TRAPPC3L: variants seen among roughly 807,000 people sequenced by gnomAD.
TRAPPC3L encodes trafficking protein particle complex subunit 3-like protein.
Under a neutral mutation model 23.7 loss-of-function variants are expected in TRAPPC3L, and 23 were observed. The observed-to-expected ratio is 0.97, with a 90% CI of 0.70 to 1.37. TRAPPC3L has a LOEUF of 1.37. TRAPPC3L is among the 40% of genes most tolerant of loss of function. TRAPPC3L has a pLI of 0.00. For synonymous variants in TRAPPC3L, 81 were observed against 77.9 expected (o/e 1.04, Z -0.21); for missense variants, 212 against 216.8 (o/e 0.98, Z 0.14).
At chr6:116,513,711 A>G (rs1772169512) in intron 3 of TRAPPC3L, among the ~76,000 whole-genome samples, 1 of 152,222 alleles carries the variant, frequency 6.6e-6, no homozygotes, top group Non-Finnish European at 1.5e-5. Flanking sequence ...GGCAGCATAT[A>G]GTCCAGACCA....
intron 3 of TRAPPC3L, chr6:116,511,802 G>A (rs1182515322): frequency 1.2e-6 from 2 of 1,614,072 alleles, no homozygotes; most frequent in Non-Finnish European, 1.7e-6. Context: ...TCTCTTTTCT[G>A]TTGTGGCTTT....
chr6:116,537,342 G>C (rs1420565567), intron 3 of TRAPPC3L, among the ~76,000 whole-genome samples: 1 of 152,142 alleles, frequency 6.6e-6, no homozygotes, highest in Non-Finnish European at 1.5e-5. Context: ...TAATAGGGGA[G>C]AATCAAGCAG....
chr6:116,501,689 A>G (rs1023324529), intron 3 of TRAPPC3L, among the ~76,000 whole-genome samples: 1 of 152,104 alleles, frequency 6.6e-6, no homozygotes, highest in African/African-American at 2.4e-5. Context: ...GGCAGCAATT[A>G]TCTGCTGTTC....
chr6:116,544,997 A>C (rs1291066116), intron 1 of TRAPPC3L, among the ~76,000 whole-genome samples: 4 of 152,022 alleles, frequency 2.6e-5, no homozygotes, highest in African/African-American at 9.7e-5. Flanking sequence ...AGAAAGGATG[A>C]TATTACATAC....
chr6:116,515,985 T>G (rs765921228), intron 3 of TRAPPC3L: 2 of 1,587,440 alleles, frequency 1.3e-6, no homozygotes. Context: ...GCCCACAATA[T>G]GTAGCTCATC....
chr6:116,515,746 A>C, intron 3 of TRAPPC3L: 1 of 1,614,034 alleles, frequency 6.2e-7, no homozygotes, highest in Non-Finnish European at 8.5e-7. Context: ...TGGAAAATAC[A>C]TTTCTGGACT....
intron 3 of TRAPPC3L, among the ~76,000 whole-genome samples, chr6:116,533,278 T>C (rs1044129750): frequency 2.6e-5 from 4 of 152,144 alleles, no homozygotes; most frequent in Non-Finnish European, 5.9e-5. Flanking sequence ...TTGAAGAAAT[T>C]TGTAGGAAAA....
At chr6:116,542,708 T>G (rs1773537445) in intron 2 of TRAPPC3L, among the ~76,000 whole-genome samples, 1 of 152,198 alleles carries the variant, frequency 6.6e-6, no homozygotes, top group South Asian at 2.1e-4. Context: ...TGGGTCTCAT[T>G]TAAAAAGGAA....
At chr6:116,515,996 C>T (rs1772218116) in intron 3 of TRAPPC3L, 1 of 1,577,972 alleles carries the variant, frequency 6.3e-7, no homozygotes, top group Non-Finnish European at 8.6e-7. Flanking sequence ...GTAGCTCATC[C>T]ACCATCAATG....
chr6:116,501,029 G>A (rs1427957720), intron 3 of TRAPPC3L, among the ~76,000 whole-genome samples: 1 of 152,188 alleles, frequency 6.6e-6, no homozygotes, highest in Non-Finnish European at 1.5e-5. Flanking sequence ...CCGAAGCAGG[G>A]CAGGGCATCG....
intron 3 of TRAPPC3L, among the ~76,000 whole-genome samples, chr6:116,508,833 C>A (rs982187717): frequency 6.6e-6 from 1 of 152,040 alleles, no homozygotes; most frequent in African/African-American, 2.4e-5. Flanking sequence ...GAAATCCCAT[C>A]CATAGCAATC....
intron 3 of TRAPPC3L, chr6:116,511,908 A>G (rs1349490920): frequency 1.9e-6 from 3 of 1,614,008 alleles, no homozygotes; most frequent in East Asian, 2.2e-5. Context: ...TTTCTGAACA[A>G]TAGGTCGTGG....
At chr6:116,507,892 A>C (rs1772034506) in intron 3 of TRAPPC3L, among the ~76,000 whole-genome samples, 1 of 152,210 alleles carries the variant, frequency 6.6e-6, no homozygotes, top group Admixed American at 6.5e-5. Context: ...CCTTAGTTTC[A>C]AAAATAAGTA....
chr6:116,495,117 T>G lies in TRAPPC3L; in HGVS notation c.*1837A>C. 1 of 150,184 alleles carries G rather than the reference T, an allele frequency of 6.7e-6. No homozygotes were observed. The highest frequency in any genetic ancestry group is 1.5e-5 in the Non-Finnish European group (1 of 67,602). 9.3% of individuals were successfully genotyped at this position (150,184 alleles called of 1,614,324 possible). A position where few individuals can be genotyped will look rare whatever the true frequency, so the allele number is the denominator to read the frequency against. The stretch of plus-strand genomic sequence containing the variant: ...CATGCCCGACCCAGATCTTATTCAT[T>G]CTATCTAACTATATTTTTGTACCCA... On this transcript the variant is annotated 3_prime_UTR_variant, in exon 5 of 5. Coordinates refer to ENST00000368602, the MANE Select transcript of TRAPPC3L (RefSeq NM_001139444.3).
At chr6:116,530,958 T>G (rs943375541) in intron 3 of TRAPPC3L, among the ~76,000 whole-genome samples, 3 of 142,462 alleles carry the variant, frequency 2.1e-5, no homozygotes, top group African/African-American at 7.7e-5. Context: ...ACTAATTTCC[T>G]AGACAAGAAG....
At chr6:116,514,613 G>T (rs1455093158) in intron 3 of TRAPPC3L, among the ~76,000 whole-genome samples, 2 of 152,154 alleles carry the variant, frequency 1.3e-5, no homozygotes, top group Non-Finnish European at 2.9e-5. Flanking sequence ...GCATAGTAAG[G>T]GGAAAGTTTA....
chr6:116,499,958 G>T (rs914251103), intron 4 of TRAPPC3L, among the ~76,000 whole-genome samples: 2 of 152,196 alleles, frequency 1.3e-5, no homozygotes, highest in Non-Finnish European at 2.9e-5. Context: ...AATAATTCAG[G>T]TGTAAAATCC....
chr6:116,497,118 A>G, intron 4 of TRAPPC3L, 45 bp from the exon 5 acceptor site: 7 of 1,498,714 alleles, frequency 4.7e-6, no homozygotes, highest in Non-Finnish European at 6.2e-6. Context: ...CAATTAAAAA[A>G]CAAAAAACTA....
intron 3 of TRAPPC3L, among the ~76,000 whole-genome samples, chr6:116,527,535 A>G (rs1772480614): frequency 6.6e-6 from 1 of 151,876 alleles, no homozygotes. Context: ...AAAAAAAAAA[A>G]AAAAGATTCC....
Sources: allele counts gnomAD v4.1 joint callset (sites outside exome capture counted in the v4.1 genomes callset), GRCh38; gene constraint gnomAD v4.1.1; transcripts MANE v1.5; gene names NCBI Gene and HGNC (gene_info 2026-07-23, HGNC 2026-07-21).